Variants in ATP8A1 observed in about 807,000 individuals in gnomAD.
The protein encoded by ATP8A1 is phospholipid-transporting ATPase IA.
In ATP8A1, 90 loss-of-function variants were observed where a neutral mutation model predicts 177.7. The observed-to-expected ratio is 0.51, with a 90% CI of 0.43 to 0.60. The LOEUF is 0.60. ATP8A1 is among the 20% of genes least tolerant of loss of function. The pLI, the probability that ATP8A1 is intolerant of heterozygous loss-of-function variation, is 0.00. For synonymous variants in ATP8A1, 493 were observed against 485.9 expected (o/e 1.01, Z -0.19); for missense variants, 1,072 against 1,392.8 (o/e 0.77, Z 3.67).
intron 15 of ATP8A1, among the ~76,000 whole-genome samples, chr4:42,560,376 TA>T (rs1196683456): frequency 6.6e-6 from 1 of 151,942 alleles, no homozygotes; most frequent in Non-Finnish European, 1.5e-5. Context: ...ATTGTGAACT[TA>T]AAAAAATCAA....
chr4:42,467,872 G>A (rs1719960077), intron 25 of ATP8A1, among the ~76,000 whole-genome samples: 1 of 152,050 alleles, frequency 6.6e-6, no homozygotes, highest in African/African-American at 2.4e-5. Context: ...TTGCTAATTT[G>A]TTTGAGTTCC....
At chr4:42,611,275 A>C (rs1045766375) in intron 5 of ATP8A1, among the ~76,000 whole-genome samples, 2 of 152,180 alleles carry the variant, frequency 1.3e-5, no homozygotes, top group Admixed American at 6.5e-5. Context: ...ATATGAGTCG[A>C]TTTATTATTT....
At chr4:42,454,561 C>G (rs1166385121) in intron 29 of ATP8A1, among the ~76,000 whole-genome samples, 1 of 152,010 alleles carries the variant, frequency 6.6e-6, no homozygotes, top group Non-Finnish European at 1.5e-5. Context: ...AAATTTTTTC[C>G]TCCTCACTCA....
intron 10 of ATP8A1, among the ~76,000 whole-genome samples, chr4:42,580,576 C>G (rs1387321840): frequency 1.3e-5 from 2 of 152,110 alleles, no homozygotes; most frequent in African/African-American, 2.4e-5. Context: ...CCAAAAAATC[C>G]ATAGAACAGA....
At chr4:42,542,954 T>C (rs549810564) in intron 20 of ATP8A1, among the ~76,000 whole-genome samples, 1 of 152,292 alleles carries the variant, frequency 6.6e-6, no homozygotes, top group South Asian at 2.1e-4. Flanking sequence ...GTCTTAGGTC[T>C]TATCTTCCTA....
intron 5 of ATP8A1, among the ~76,000 whole-genome samples, chr4:42,615,450 TAA>T (rs879716026): frequency 2.0e-5 from 3 of 146,998 alleles, no homozygotes; most frequent in Admixed American, 6.8e-5. Context: ...TCCTGGGCAT[TAA>T]AAAAAAAAAA....
chr4:42,433,439 C>T (rs1476764381), intron 33 of ATP8A1, among the ~76,000 whole-genome samples: 3 of 152,152 alleles, frequency 2.0e-5, no homozygotes, highest in Non-Finnish European at 4.4e-5. Flanking sequence ...GACATAGGCA[C>T]TCCATAAATC....
intron 35 of ATP8A1, among the ~76,000 whole-genome samples, chr4:42,421,749 A>G (rs1251939315): frequency 1.3e-4 from 20 of 152,172 alleles, no homozygotes; most frequent in Admixed American, 1.3e-3. Flanking sequence ...GGTGACATAT[A>G]CTAGGGTAAA....
chr4:42,581,848 C>G, intron 9 of ATP8A1, 116 bp from the exon 10 acceptor site: 1 of 739,686 alleles, frequency 1.4e-6, no homozygotes, highest in Non-Finnish European at 2.2e-6. Context: ...ATATTTATTT[C>G]TGGAAAGTAA....
At chr4:42,593,652 A>G (rs1285547478) in intron 6 of ATP8A1, among the ~76,000 whole-genome samples, 1 of 152,104 alleles carries the variant, frequency 6.6e-6, no homozygotes, top group Non-Finnish European at 1.5e-5. Flanking sequence ...TTAATTTAAA[A>G]TAGGACTAGT....
chr4:42,504,454 C>T (rs914708287), intron 23 of ATP8A1, among the ~76,000 whole-genome samples: 1 of 152,226 alleles, frequency 6.6e-6, no homozygotes, highest in South Asian at 2.1e-4. Flanking sequence ...CCAAAAACCT[C>T]GAAGTTACCT....
At position 42,437,224 on chromosome 4, in the gene ATP8A1, C is replaced by T. The variant is rs920096540; in HGVS notation, c.3123+6341G>A. Among the ~76,000 whole-genome samples, 5 of 152,268 alleles carry T rather than the reference C, an allele frequency of 3.3e-5. No homozygotes were observed. The South Asian group carries it at 8.3e-4, about 25-fold the overall frequency. On this transcript the variant is annotated intron_variant, in intron 33 of 36. Transcript: ENST00000381668. ...TTATTAATCCTGATATGAAACGATC[C>T]CTGCTGTAGCTGGTTTTTTATTTTT...
chr4:42,540,366 T>C (rs1380082922), intron 20 of ATP8A1, among the ~76,000 whole-genome samples: 1 of 151,942 alleles, frequency 6.6e-6, no homozygotes, highest in Admixed American at 6.6e-5. Context: ...TGGAAAATAG[T>C]ATAGAGAGTT....
At chr4:42,438,300 T>A (rs28494930) in intron 33 of ATP8A1, among the ~76,000 whole-genome samples, 2,412 of 152,294 alleles carry the variant, frequency 0.016, 69 homozygotes, top group African/African-American at 0.056. Flanking sequence ...CTGTGAACAT[T>A]AAATGAGTGA....
chr4:42,586,382 T>C lies in ATP8A1; in HGVS notation c.689A>G (p.Asp230Gly). The stretch of plus-strand genomic sequence containing the variant: ...ATCAAGCCTTATGTTTCCAACAAAA[T>C]CGTAGAGATGTCTGTTTGGACTTTC... The part of the protein sequence containing the change: ...ECESPNRHLY[D>G]FVGNIRLDGH... The change falls in exon 9 of 37, where the codon GAT becomes GGT. Residue 230 changes from aspartate (D) to glycine (G), a missense_variant. By Grantham distance (94) the Asp-to-Gly change is moderately conservative. Around this residue, in one of 5 missense-constraint regions of ATP8A1, gnomAD observed 344 missense variants for 393.5 expected, o/e 0.87. Transcript: ENST00000381668. The C allele has an allele frequency of 6.2e-7, 1 of 1,614,078 alleles. No individual in the cohort carries two copies. Among genetic ancestry groups the C allele is most frequent in the Non-Finnish European group, 8.5e-7 (1 of 1,179,986 alleles).
At chr4:42,546,423 G>A (rs1453830961) in intron 19 of ATP8A1, among the ~76,000 whole-genome samples, 2 of 122,960 alleles carry the variant, frequency 1.6e-5, no homozygotes, top group Non-Finnish European at 3.3e-5. Flanking sequence ...ACACACCGGG[G>A]ACTGTTGTGG....
At chr4:42,537,480 G>A (rs1361325635) in intron 20 of ATP8A1, among the ~76,000 whole-genome samples, 6 of 151,998 alleles carry the variant, frequency 3.9e-5, no homozygotes, top group African/African-American at 7.3e-5. Flanking sequence ...TCAAACTGTC[G>A]CTGTTTGCTG....
chr4:42,433,856 T>TAA (rs35018755), intron 33 of ATP8A1, among the ~76,000 whole-genome samples: 52,582 of 139,090 alleles, frequency 0.38, 9,455 homozygotes, highest in Middle Eastern at 0.44. Flanking sequence ...AAGAGAGTAA[T>TAA]AAAAAAAAAA....
chr4:42,443,557 C>T lies in ATP8A1; in HGVS notation c.3123+8G>A, dbSNP rs200909875. 1.9e-6 allele frequency: 2 copies of T among 1,060,080 alleles called. No homozygotes were observed. Among genetic ancestry groups the T allele is most frequent in the African/African-American group, 3.1e-5 (2 of 64,488 alleles). The allele number at this position is 1,060,080 out of a possible 1,614,324, so 65.7% of individuals were successfully genotyped here. On this transcript the variant is annotated splice_region_variant and intron_variant, in intron 33 of 36. Coordinates refer to ENST00000381668, the MANE Select transcript of ATP8A1 (RefSeq NM_006095.2). ...TTTGTTGGATTGTGAGTTATTAGCGCACATTACCTCTCCTGACATATCAGG... is the reference window on the plus strand; with the variant it reads ...TTTGTTGGATTGTGAGTTATTAGCGTACATTACCTCTCCTGACATATCAGG...
Sources: allele counts gnomAD v4.1 joint callset (sites outside exome capture counted in the v4.1 genomes callset), GRCh38; gene constraint gnomAD v4.1.1; regional missense constraint gnomAD v4.1.1; transcripts MANE v1.5; gene names NCBI Gene and HGNC (gene_info 2026-07-23, HGNC 2026-07-21).